The following THOC1 variants were observed in gnomAD, a reference collection of about 807,000 sequenced individuals.
The protein encoded by THOC1 is THO complex subunit 1, also known as THO complex 1.
Under a neutral mutation model 97.3 loss-of-function variants are expected in THOC1, and 29 were observed. The observed-to-expected ratio is 0.30, with a 90% CI of 0.22 to 0.41. The LOEUF (loss-of-function observed/expected upper bound fraction) is 0.41. Ranked by LOEUF, THOC1 falls within the 10% of genes least tolerant of loss-of-function variation. The probability of loss-of-function intolerance (pLI) is 1.00; values close to 1 mark genes in which losing one functional copy is unlikely to be tolerated. For missense variants in THOC1, 529 were observed against 761.9 expected, an observed-to-expected ratio of 0.69 and a Z score of 3.60; for synonymous variants, 255 against 257.0, an observed-to-expected ratio of 0.99 and a Z score of 0.07.
At chr18:229,620 T>G (rs964847227) in intron 11 of THOC1, among the ~76,000 whole-genome samples, 3 of 151,912 alleles carry the variant, frequency 2.0e-5, no homozygotes, top group African/African-American at 7.3e-5. Context: ...GAGGCGGAGG[T>G]TGCAATGAGT....
At chr18:224,732 A>G (rs948415353) in intron 15 of THOC1, among the ~76,000 whole-genome samples, 192 bp downstream of exon 15, 1 of 152,342 alleles carries the variant, frequency 6.6e-6, no homozygotes, top group East Asian at 1.9e-4. Flanking sequence ...ATGACAAGAA[A>G]TTTATGAGGT....
At chr18:233,263 C>T (rs953941931) in intron 11 of THOC1, among the ~76,000 whole-genome samples, 1 of 152,170 alleles carries the variant, frequency 6.6e-6, no homozygotes, top group African/African-American at 2.4e-5. Context: ...TTAATTTTTC[C>T]ATATGGATAA....
chr18:252,949 A>C (rs1567854852), intron 8 of THOC1, among the ~76,000 whole-genome samples: 1 of 152,252 alleles, frequency 6.6e-6, no homozygotes, highest in Non-Finnish European at 1.5e-5. Flanking sequence ...TAAAATGAGC[A>C]AACAGCATGA....
intron 9 of THOC1, among the ~76,000 whole-genome samples, chr18:251,794 C>T (rs966267674): frequency 5.9e-5 from 9 of 152,184 alleles, no homozygotes; most frequent in Admixed American, 2.0e-4. Flanking sequence ...TCCCGCCCTG[C>T]GCTCTGAGCT....
Position 265,497 on chromosome 18 carries a change from T to C in THOC1, c.88A>G (p.Ile30Val). ...STREALNNKNIKPLLSTFSQV... is the reference protein window; with the variant it reads ...STREALNNKNVKPLLSTFSQV... ...CTGAAGGTACTTAACAATGGCTTGA[T>C]GTTTTTGTTGTTCAAGGCCTCTCTG... Residue 30 changes from isoleucine (I) to valine (V), a missense_variant, in exon 2 of 21, where the codon ATC becomes GTC. By Grantham distance (29) the Ile-to-Val change is conservative. This residue lies in a region of THOC1 where 114 missense variants were observed against 97.4 expected (regional missense o/e 1.17). Transcript: ENST00000261600. 6.3e-7 allele frequency: 1 copy of C among 1,595,358 alleles called. No homozygotes were observed.
chr18:234,819 G>A (rs1487736843), intron 11 of THOC1, among the ~76,000 whole-genome samples: 1 of 151,988 alleles, frequency 6.6e-6, no homozygotes, highest in African/African-American at 2.4e-5. Flanking sequence ...TCTATAAATA[G>A]AAAACATTCT....
intron 15 of THOC1, among the ~76,000 whole-genome samples, chr18:224,657 G>A (rs1432429830): frequency 2.0e-5 from 3 of 151,748 alleles, no homozygotes; most frequent in South Asian, 2.1e-4. Flanking sequence ...ACATTATATG[G>A]CAAATTACAC....
intron 3 of THOC1, 134 bp from the exon 4 acceptor site, chr18:264,226 T>C: frequency 1.6e-6 from 1 of 625,900 alleles, no homozygotes; most frequent in Non-Finnish European, 2.7e-6. Flanking sequence ...TAGAAAACAA[T>C]ATTTTCTAAT....
At chr18:229,368 T>G (rs771251622) in intron 11 of THOC1, among the ~76,000 whole-genome samples, 3 of 152,204 alleles carry the variant, frequency 2.0e-5, no homozygotes, top group Non-Finnish European at 4.4e-5. Context: ...TCTGACCGCC[T>G]CATCCACTAA....
Position 214,597 on chromosome 18 carries a change from A to G in THOC1, c.*29T>C, listed in dbSNP as rs768664576. ...GCTGCTTGGTAACAAAATCTATCAC[A>G]GTTTTAATAAAAAGAAAAAAAAAAG... On this transcript the variant is annotated 3_prime_UTR_variant, in exon 21 of 21. Coordinates refer to ENST00000261600, the MANE Select transcript of THOC1 (RefSeq NM_005131.3). 2.6e-6 allele frequency: 4 copies of G among 1,561,194 alleles called. No individual in the cohort carries two copies. In the South Asian group the frequency reaches 4.8e-5, roughly 19 times the overall value.
chr18:265,792 A>C (rs1042351892), intron 1 of THOC1, among the ~76,000 whole-genome samples: 4 of 150,084 alleles, frequency 2.7e-5, no homozygotes, highest in African/African-American at 9.7e-5. Context: ...TATCACATTC[A>C]TGAGTATTGT....
chr18:216,845 A>G (rs1430778068), intron 18 of THOC1, among the ~76,000 whole-genome samples: 2 of 152,154 alleles, frequency 1.3e-5, no homozygotes, highest in African/African-American at 2.4e-5. Context: ...ACAGGAACCA[A>G]CAATGCCTGA....
At position 256,900 on chromosome 18, in the gene THOC1, C is replaced by A. The variant is rs560118437; in HGVS notation, c.520+2280G>T. 3.3e-5 allele frequency among the ~76,000 whole-genome samples: 5 copies of A among 152,304 alleles called. No homozygotes were observed. The East Asian group carries it at 9.6e-4, about 29-fold the overall frequency. On this transcript the variant is annotated intron_variant, in intron 7 of 20. Coordinates refer to ENST00000261600, the MANE Select transcript of THOC1 (RefSeq NM_005131.3). ...AAGAAAATTGTCATAGCCAGCCCAA[C>A]CTTCAGCAACCACCACCCTGGATCA...
intron 11 of THOC1, among the ~76,000 whole-genome samples, chr18:243,729 G>T (rs929506162): frequency 6.6e-6 from 1 of 152,048 alleles, no homozygotes; most frequent in Non-Finnish European, 1.5e-5. Context: ...CCTTGGGAAG[G>T]TTCTTTGTTA....
intron 7 of THOC1, among the ~76,000 whole-genome samples, chr18:255,815 G>A (rs908916698): frequency 3.3e-5 from 5 of 152,146 alleles, no homozygotes; most frequent in Non-Finnish European, 7.3e-5. Flanking sequence ...TAATGCAGCT[G>A]GTGACTTTAA....
intron 4 of THOC1, chr18:263,814 C>A: frequency 2.3e-6 from 1 of 436,124 alleles, no homozygotes. Context: ...AACTGGAGAA[C>A]AAAGGAAGTG....
At chr18:225,540 A>G in intron 12 of THOC1, 137 bp from the exon 13 acceptor site, 1 of 683,734 alleles carries the variant, frequency 1.5e-6, no homozygotes, top group Non-Finnish European at 2.4e-6. Context: ...GAATAATCAC[A>G]AATGAGAGGA....
At chr18:256,518 C>G (rs1330986460) in intron 7 of THOC1, among the ~76,000 whole-genome samples, 1 of 152,176 alleles carries the variant, frequency 6.6e-6, no homozygotes, top group East Asian at 1.9e-4. Flanking sequence ...TTGCTTCTTA[C>G]GAATGAGCAA....
At chr18:235,185 C>A (rs763027015) in intron 11 of THOC1, among the ~76,000 whole-genome samples, 2 of 149,688 alleles carry the variant, frequency 1.3e-5, no homozygotes, top group African/African-American at 4.9e-5. Context: ...TTCATAATAT[C>A]CTCTTAATCA....
Sources: allele counts gnomAD v4.1 joint callset (sites outside exome capture counted in the v4.1 genomes callset), GRCh38; gene constraint gnomAD v4.1.1; regional missense constraint gnomAD v4.1.1; transcripts MANE v1.5; gene names NCBI Gene and HGNC (gene_info 2026-07-23, HGNC 2026-07-21).